Variants in ROBO1 observed in about 807,000 individuals in gnomAD.
The protein encoded by ROBO1 is roundabout homolog 1.
In ROBO1, 149 loss-of-function variants were observed where a neutral mutation model predicts 195.9. The observed-to-expected ratio is 0.76, with a 90% CI of 0.67 to 0.87. The LOEUF (loss-of-function observed/expected upper bound fraction) is 0.87. ROBO1 is among the 40% of genes least tolerant of loss of function. ROBO1 has a pLI of 0.00. For missense variants in ROBO1, 1,933 were observed against 2,068.3 expected, an observed-to-expected ratio of 0.93 and a Z score of 1.27; for synonymous variants, 816 against 733.2, an observed-to-expected ratio of 1.11 and a Z score of -1.82.
intron 2 of ROBO1, among the ~76,000 whole-genome samples, chr3:79,340,715 G>A (rs1247365651): frequency 2.6e-5 from 4 of 152,016 alleles, no homozygotes; most frequent in South Asian, 4.1e-4. Flanking sequence ...TGTTTGTTTT[G>A]TTTTAAAAAA....
intron 2 of ROBO1, among the ~76,000 whole-genome samples, chr3:79,262,109 CTAAAACAAAGTAAAACAAAAGAAA>C: frequency 6.6e-6 from 1 of 151,994 alleles, no homozygotes; most frequent in African/African-American, 2.4e-5. Context: ...AGCAAAACAA[CTAAAACAAAGTAAAACAAAAGAAA>C]AACACAAATT....
At chr3:79,568,000 T>C (rs66583761) in intron 2 of ROBO1, among the ~76,000 whole-genome samples, 13,842 of 152,154 alleles carry the variant, frequency 0.091, 654 homozygotes, top group Middle Eastern at 0.16. Context: ...CCATGACTTC[T>C]TCTACGGCTA....
chr3:79,395,411 A>G (rs1175284014), intron 2 of ROBO1, among the ~76,000 whole-genome samples: 1 of 151,622 alleles, frequency 6.6e-6, no homozygotes, highest in Non-Finnish European at 1.5e-5. Context: ...TACTCTTTGA[A>G]GTCTTGGCAT....
intron 1 of ROBO1, among the ~76,000 whole-genome samples, chr3:79,666,605 T>G (rs1425966403): frequency 6.6e-6 from 1 of 151,700 alleles, no homozygotes; most frequent in Non-Finnish European, 1.5e-5. Flanking sequence ...TTATAAGGGG[T>G]TTCCACTTTC....
At chr3:79,247,187 G>A in intron 2 of ROBO1, among the ~76,000 whole-genome samples, 1 of 146,682 alleles carries the variant, frequency 6.8e-6, no homozygotes, top group South Asian at 2.1e-4. Flanking sequence ...TGTGAACATA[G>A]ATAGAATTTT....
intron 2 of ROBO1, among the ~76,000 whole-genome samples, chr3:79,246,916 G>A (rs1306108837): frequency 2.6e-5 from 4 of 151,856 alleles, no homozygotes; most frequent in South Asian, 2.1e-4. Flanking sequence ...TAAACCCTGG[G>A]GTACAAGGGT....
intron 2 of ROBO1, among the ~76,000 whole-genome samples, chr3:79,563,231 G>A (rs1470987970): frequency 6.6e-6 from 1 of 151,984 alleles, no homozygotes; most frequent in Non-Finnish European, 1.5e-5. Flanking sequence ...TGAAAAGTAT[G>A]ATAGATTACA....
chr3:78,746,965 C>T (rs1227979154), intron 4 of ROBO1, 65 bp from the exon 5 acceptor site: 9 of 1,060,896 alleles, frequency 8.5e-6, no homozygotes, highest in African/African-American at 1.6e-5. Flanking sequence ...CTCTGAACTT[C>T]AGCAGGAGAC....
rs1559676363 is a variant in ROBO1, at chr3:78,635,927, G to GT, written c.3218dup (p.Tyr1073Ter). Residue 1073 changes from tyrosine to a stop codon, truncating the protein, a stop_gained and frameshift_variant, in exon 23 of 31, where the codon TAC becomes TAAC. Coordinates refer to ENST00000464233, the MANE Select transcript of ROBO1 (RefSeq NM_002941.4). LOFTEE classifies it high-confidence loss of function. ...TTGACTGGATGAGCTGAGTGGTGGCGTAAGGAGTAGGCTGCCCTGATGGAT... is the reference window on the plus strand; with the variant it reads ...TTGACTGGATGAGCTGAGTGGTGGCGTTAAGGAGTAGGCTGCCCTGATGGAT... ...FVNPSGQPTP[Y>*]ATTQLIQSNL... is the part of the protein sequence containing the mutation. The GT allele has an allele frequency of 6.2e-7, 1 of 1,613,938 alleles. No individual in the cohort carries two copies. Among genetic ancestry groups the GT allele is most frequent in the Non-Finnish European group, 8.5e-7 (1 of 1,179,854 alleles).
intron 2 of ROBO1, among the ~76,000 whole-genome samples, chr3:79,331,604 G>A (rs2034440729): frequency 6.6e-6 from 1 of 152,140 alleles, no homozygotes; most frequent in South Asian, 2.1e-4. Flanking sequence ...AGCATGTAAT[G>A]ATGATTGAGA....
At chr3:79,129,307 A>C (rs1189366074) in intron 2 of ROBO1, among the ~76,000 whole-genome samples, 1 of 152,104 alleles carries the variant, frequency 6.6e-6, no homozygotes, top group African/African-American at 2.4e-5. Flanking sequence ...TGGTTTATAA[A>C]TATTTTGCGA....
chr3:79,711,686 T>C (rs565114818), intron 1 of ROBO1, among the ~76,000 whole-genome samples: 20 of 152,076 alleles, frequency 1.3e-4, no homozygotes, highest in Non-Finnish European at 2.5e-4. Context: ...GCATGCCTTG[T>C]TGTATTGAAA....
At chr3:78,936,947 G>A (rs1169354459) in intron 4 of ROBO1, among the ~76,000 whole-genome samples, 1 of 152,070 alleles carries the variant, frequency 6.6e-6, no homozygotes, top group Non-Finnish European at 1.5e-5. Context: ...TGAGAATCAA[G>A]ACAATAAGAG....
chr3:79,575,885 C>G (rs548499973), intron 2 of ROBO1, among the ~76,000 whole-genome samples: 1 of 151,816 alleles, frequency 6.6e-6, no homozygotes, highest in Non-Finnish European at 1.5e-5. Context: ...CCTTGTTTGC[C>G]CTGAAGCATC....
intron 2 of ROBO1, among the ~76,000 whole-genome samples, chr3:79,174,227 C>T (rs964205253): frequency 6.6e-6 from 1 of 152,046 alleles, no homozygotes; most frequent in African/African-American, 2.4e-5. Flanking sequence ...TAAGCTGTAA[C>T]ACTCACTGCG....
At chr3:79,057,999 T>C (rs976967399) in intron 3 of ROBO1, among the ~76,000 whole-genome samples, 1 of 151,986 alleles carries the variant, frequency 6.6e-6, no homozygotes, top group African/African-American at 2.4e-5. Context: ...CTGCTTATCT[T>C]CCGGAGAGAT....
intron 3 of ROBO1, among the ~76,000 whole-genome samples, chr3:79,030,585 T>C (rs2078277968): frequency 6.6e-6 from 1 of 152,216 alleles, no homozygotes; most frequent in Non-Finnish European, 1.5e-5. Flanking sequence ...CTGTAAATAT[T>C]TATTATAAAA....
intron 2 of ROBO1, among the ~76,000 whole-genome samples, chr3:79,250,157 T>A (rs2082694184): frequency 6.6e-6 from 1 of 152,126 alleles, no homozygotes; most frequent in African/African-American, 2.4e-5. Context: ...GAAATGTCAA[T>A]CTCATATTCA....
At chr3:79,504,022 C>A (rs1940260023) in intron 2 of ROBO1, among the ~76,000 whole-genome samples, 2 of 152,044 alleles carry the variant, frequency 1.3e-5, no homozygotes, top group South Asian at 4.1e-4. Context: ...ATAAAACTGT[C>A]TTTTTATAAA....
Sources: allele counts gnomAD v4.1 joint callset (sites outside exome capture counted in the v4.1 genomes callset), GRCh38; gene constraint gnomAD v4.1.1; transcripts MANE v1.5; gene names NCBI Gene and HGNC (gene_info 2026-07-23, HGNC 2026-07-21).